Variants in IPO11 observed in about 807,000 individuals in gnomAD.
IPO11 encodes the protein importin 11.
A neutral mutation model predicts 143.2 loss-of-function variants in IPO11; 66 were observed. That is an observed-to-expected ratio of 0.46 (90% CI 0.38 to 0.57). IPO11 has a LOEUF of 0.57. IPO11 is among the 20% of genes least tolerant of loss of function. IPO11 has a pLI of 0.00. For synonymous variants in IPO11, 385 were observed against 377.8 expected, an observed-to-expected ratio of 1.02 and a Z score of -0.22; for missense variants, 1,026 against 1,141.0, an observed-to-expected ratio of 0.90 and a Z score of 1.45.
chr5:62,588,051 A>T (rs1744865518), intron 27 of IPO11, among the ~76,000 whole-genome samples: 1 of 152,116 alleles, frequency 6.6e-6, no homozygotes. Flanking sequence ...TTCATCCCAA[A>T]TTCTGCCACC....
At chr5:62,427,745 C>CA (rs1743811153) in intron 1 of IPO11, among the ~76,000 whole-genome samples, 1 of 152,192 alleles carries the variant, frequency 6.6e-6, no homozygotes, top group Admixed American at 6.5e-5. Flanking sequence ...CTGCCCTTTA[C>CA]CCCTCTTCCA....
intron 4 of IPO11, among the ~76,000 whole-genome samples, chr5:62,450,376 C>T (rs1744867392): frequency 6.6e-6 from 1 of 152,146 alleles, no homozygotes; most frequent in South Asian, 2.1e-4. Context: ...AGTTCTCACC[C>T]ATTGACATCA....
At position 62,494,049 on chromosome 5, in the gene IPO11, T is replaced by G; in HGVS notation, c.1515T>G (p.Ser505=). The G allele has an allele frequency of 6.2e-7, 1 of 1,613,486 alleles. No individual in the cohort carries two copies. The highest frequency in any genetic ancestry group is 1.1e-5 in the South Asian group (1 of 90,984). The part of the protein sequence containing the change: ...RVIWLIGQWI[S]VKFKSDLRPM... ...TTTGGCTCATCGGTCAGTGGATTTC[T>G]GTGAAATTCAAGTCTGACTTAAGAC... Residue 505 remains serine (S), a synonymous_variant, in exon 16 of 30, where the codon TCT becomes TCG. Transcript: ENST00000325324.
intron 8 of IPO11, among the ~76,000 whole-genome samples, chr5:62,475,844 T>C (rs1454518796): frequency 2.0e-5 from 3 of 152,220 alleles, no homozygotes; most frequent in African/African-American, 7.2e-5. Flanking sequence ...GTGGTCTGTT[T>C]GTTATCTTCT....
At chr5:62,584,705 T>C (rs1342233188) in intron 27 of IPO11, among the ~76,000 whole-genome samples, 1 of 148,480 alleles carries the variant, frequency 6.7e-6, no homozygotes, top group Admixed American at 6.7e-5. Flanking sequence ...ATACTAGTGC[T>C]GTACTGTCTG....
chr5:62,440,522 A>T (rs562254178), intron 2 of IPO11, among the ~76,000 whole-genome samples: 1 of 151,540 alleles, frequency 6.6e-6, no homozygotes, highest in South Asian at 2.1e-4. Flanking sequence ...TGCCTAGCTA[A>T]TTTTTTGTAT....
chr5:62,455,610 G>A (rs1745112145), intron 5 of IPO11, among the ~76,000 whole-genome samples: 1 of 152,170 alleles, frequency 6.6e-6, no homozygotes, highest in Admixed American at 6.5e-5. Context: ...GCTACCTGCG[G>A]CTCAGTGTGC....
At chr5:62,579,549 G>A (rs577998091) in intron 27 of IPO11, 1 of 1,551,080 alleles carries the variant, frequency 6.4e-7, no homozygotes. Flanking sequence ...CTGTTTGTCA[G>A]CTCTGCACTG....
chr5:62,500,963 G>A (rs1207075874), intron 16 of IPO11, among the ~76,000 whole-genome samples: 2 of 151,242 alleles, frequency 1.3e-5, no homozygotes, highest in East Asian at 2.0e-4. Flanking sequence ...TTGTAAATGT[G>A]ATCTGTTGTT....
intron 5 of IPO11, among the ~76,000 whole-genome samples, chr5:62,465,468 CAG>C (rs1745540092): frequency 2.0e-5 from 3 of 152,122 alleles, no homozygotes; most frequent in Non-Finnish European, 4.4e-5. Context: ...TCCCTTCTAT[CAG>C]AGTGAATGTT....
At chr5:62,576,040 C>A (rs1187477518) in intron 27 of IPO11, 1 of 152,610 alleles carries the variant, frequency 6.6e-6, no homozygotes, top group South Asian at 2.0e-4. Flanking sequence ...CCAATGTTTC[C>A]TTGGGCCCAA....
intron 24 of IPO11, among the ~76,000 whole-genome samples, chr5:62,541,649 C>T (rs933199453): frequency 6.6e-6 from 1 of 151,502 alleles, no homozygotes; most frequent in Non-Finnish European, 1.5e-5. Flanking sequence ...CCACTATACT[C>T]CAGCCTAGAC....
intron 16 of IPO11, among the ~76,000 whole-genome samples, chr5:62,494,798 T>C (rs552312346): frequency 5.9e-5 from 9 of 152,288 alleles, no homozygotes; most frequent in African/African-American, 2.2e-4. Flanking sequence ...TTAATATACA[T>C]GTTCGCTGTC....
chr5:62,489,999 A>G, intron 14 of IPO11, 116 bp from the exon 15 acceptor site: 1 of 468,310 alleles, frequency 2.1e-6, no homozygotes, highest in East Asian at 3.4e-5. Flanking sequence ...TTCTACTTAA[A>G]TAATTTCCCT....
intron 28 of IPO11, among the ~76,000 whole-genome samples, chr5:62,599,877 C>T (rs1440345005): frequency 6.6e-6 from 1 of 152,172 alleles, no homozygotes; most frequent in East Asian, 1.9e-4. Flanking sequence ...TCTTTATCAA[C>T]AAAATGAGAT....
intron 1 of IPO11, among the ~76,000 whole-genome samples, chr5:62,433,414 A>G (rs1463844369): frequency 6.6e-6 from 1 of 152,026 alleles, no homozygotes; most frequent in Non-Finnish European, 1.5e-5. Flanking sequence ...ACGTTCGTAT[A>G]TTGGTTCTGT....
At chr5:62,433,217 A>G (rs1437477537) in intron 1 of IPO11, among the ~76,000 whole-genome samples, 2 of 149,350 alleles carry the variant, frequency 1.3e-5, no homozygotes, top group South Asian at 4.2e-4. Flanking sequence ...GGGTTATTGT[A>G]TGTGTGAAAT....
At chr5:62,473,545 T>G (rs1230181780) in intron 7 of IPO11, among the ~76,000 whole-genome samples, 1 of 152,122 alleles carries the variant, frequency 6.6e-6, no homozygotes, top group Non-Finnish European at 1.5e-5. Context: ...CAAGAATTGA[T>G]CAATGAACAA....
intron 5 of IPO11, among the ~76,000 whole-genome samples, chr5:62,454,552 A>G (rs994481405): frequency 1.4e-4 from 22 of 152,358 alleles, no homozygotes; most frequent in African/African-American, 5.1e-4. Flanking sequence ...CACAGATTGT[A>G]CAGATAATCA....
Sources: gnomAD v4.1 joint callset for allele counts (sites outside exome capture counted in the v4.1 genomes callset) on GRCh38, gnomAD v4.1.1 for gene constraint, MANE v1.5 for transcripts, NCBI Gene and HGNC (gene_info 2026-07-23, HGNC 2026-07-21) for gene names.